The following MTHFS variants were observed in gnomAD, a reference collection of about 807,000 sequenced individuals.
MTHFS encodes 5-formyltetrahydrofolate cyclo-ligase.
Under a neutral mutation model 12.7 loss-of-function variants are expected in MTHFS, and 7 were observed. The observed-to-expected ratio is 0.55, with a 90% CI of 0.31 to 1.03. The LOEUF (loss-of-function observed/expected upper bound fraction) is 1.03, where lower values mean the gene tolerates loss of function less well. Among genes scored for constraint, MTHFS ranks in the 50% least tolerant of loss-of-function variants. MTHFS has a pLI of 0.05. For missense variants in MTHFS, 252 were observed against 258.1 expected (o/e 0.98, Z 0.16); for synonymous variants, 100 against 97.1 (o/e 1.03, Z -0.18).
chr15:79,895,713 G>A lies in MTHFS; in HGVS notation c.117+1159C>T, dbSNP rs185613878. Among the ~76,000 whole-genome samples, 18 of 152,356 alleles carry A rather than the reference G, an allele frequency of 1.2e-4. 1 individual carries two copies. The highest frequency in any genetic ancestry group is 1.2e-3 in the East Asian group (6 of 5,194). ...TCATACACACCTACATAGATGAAGA[G>A]AGGGGTGAAATGAGCATATATGCTT... On this transcript the variant is annotated intron_variant, in intron 1 of 2. Transcript: ENST00000258874.
chr15:79,864,224 A>G (rs1285631267), intron 2 of MTHFS, among the ~76,000 whole-genome samples: 1 of 152,114 alleles, frequency 6.6e-6, no homozygotes, highest in East Asian at 1.9e-4. Flanking sequence ...GCTACTAATA[A>G]TTTACCCATG....
rs760836202 is a variant in MTHFS at position 79,889,167 on chromosome 15, G to A, written c.305C>T (p.Ser102Phe). The stretch of plus-strand genomic sequence containing the variant: ...ATTCCAGGATGTTTTGGGAAGTAAA[G>A]AAATTTCCTCTGGTGATTCTATTCT... Reference protein sequence around the residue: ...MVRIESPEEISLLPKTSWNIP... With the variant: ...MVRIESPEEIFLLPKTSWNIP... The change falls in exon 2 of 3, where the codon TCT (serine) becomes TTT (phenylalanine). Residue 102 changes from serine to phenylalanine, a missense_variant. Coordinates refer to ENST00000258874, the MANE Select transcript of MTHFS (RefSeq NM_006441.4). 13 of 1,614,064 alleles carry A rather than the reference G, an allele frequency of 8.1e-6. No homozygotes were observed. The highest frequency in any genetic ancestry group is 1.1e-5 in the Non-Finnish European group (13 of 1,180,034).
At chr15:79,893,937 C>T (rs555544185) in intron 1 of MTHFS, among the ~76,000 whole-genome samples, 2 of 152,232 alleles carry the variant, frequency 1.3e-5, no homozygotes, top group South Asian at 2.1e-4. Context: ...AGAATAAATA[C>T]GCTTTTCTAA....
chr15:79,885,304 T>G (rs1436607411), intron 2 of MTHFS, among the ~76,000 whole-genome samples: 1 of 152,218 alleles, frequency 6.6e-6, no homozygotes, highest in East Asian at 1.9e-4. Context: ...CTCAGGTAAC[T>G]ACACATAGAT....
At chr15:79,869,484 C>A (rs1256113701) in intron 2 of MTHFS, among the ~76,000 whole-genome samples, 2 of 152,002 alleles carry the variant, frequency 1.3e-5, no homozygotes, top group Middle Eastern at 3.2e-3. Flanking sequence ...GCTCTGTTGC[C>A]CAGGTGGGAG....
rs1485189061 is a variant in MTHFS at position 79,889,082 on chromosome 15, A to G, written c.379+11T>C. The G allele has an allele frequency of 1.7e-5, 28 of 1,613,992 alleles. No homozygotes were observed. Among genetic ancestry groups the G allele is most frequent in the Non-Finnish European group, 2.4e-5 (28 of 1,179,908 alleles). ...CATAATCTAACAACATCCTAACACC[A>G]TAATACTCACCTGTGGACAAGGCCT... On this transcript the variant is annotated intron_variant, in intron 2 of 2. Coordinates refer to ENST00000258874, the MANE Select transcript of MTHFS (RefSeq NM_006441.4).
At chr15:79,882,763 A>G (rs2034317330) in intron 2 of MTHFS, among the ~76,000 whole-genome samples, 1 of 152,228 alleles carries the variant, frequency 6.6e-6, no homozygotes, top group African/African-American at 2.4e-5. Context: ...GTAGTAGCAC[A>G]CAGTAACAGG....
At chr15:79,861,433 C>T (rs377406115) in intron 2 of MTHFS, among the ~76,000 whole-genome samples, 5 of 152,150 alleles carry the variant, frequency 3.3e-5, no homozygotes, top group East Asian at 1.9e-4. Context: ...CATTAATGCA[C>T]GTTCATTTGT....
intron 2 of MTHFS, among the ~76,000 whole-genome samples, chr15:79,888,366 A>C (rs1281891731): frequency 1.3e-5 from 2 of 152,228 alleles, no homozygotes; most frequent in Non-Finnish European, 2.9e-5. Flanking sequence ...TCTAAGGGCA[A>C]TAGTAAGTCA....
At chr15:79,895,801 G>A (rs1405380347) in intron 1 of MTHFS, among the ~76,000 whole-genome samples, 1 of 152,180 alleles carries the variant, frequency 6.6e-6, no homozygotes, top group Non-Finnish European at 1.5e-5. Flanking sequence ...ATAGTGAAGG[G>A]TAATTAAGAA....
At chr15:79,880,092 C>T (rs112950079) in intron 2 of MTHFS, among the ~76,000 whole-genome samples, 4 of 152,122 alleles carry the variant, frequency 2.6e-5, no homozygotes, top group Admixed American at 6.5e-5. Flanking sequence ...CTTTTTAAGA[C>T]GGAGTCTCGC....
chr15:79,867,317 A>G (rs1254486127), intron 2 of MTHFS, among the ~76,000 whole-genome samples: 2 of 152,086 alleles, frequency 1.3e-5, no homozygotes, highest in Non-Finnish European at 1.5e-5. Flanking sequence ...TAGAAAGCCA[A>G]ACTCTCAGTG....
chr15:79,855,747 T>C (rs955415539), intron 2 of MTHFS, among the ~76,000 whole-genome samples: 2 of 152,162 alleles, frequency 1.3e-5, no homozygotes, highest in African/African-American at 4.8e-5. Context: ...AGCTCCCACT[T>C]ATAAGTGAGA....
chr15:79,881,623 AC>A (rs1341258073), intron 2 of MTHFS, among the ~76,000 whole-genome samples: 1 of 152,168 alleles, frequency 6.6e-6, no homozygotes, highest in African/African-American at 2.4e-5. Flanking sequence ...ACTTTTAGAT[AC>A]ATGTGACTCA....
At chr15:79,892,154 C>CA (rs1007200768) in intron 1 of MTHFS, among the ~76,000 whole-genome samples, 3 of 151,406 alleles carry the variant, frequency 2.0e-5, no homozygotes, top group Non-Finnish European at 4.4e-5. Flanking sequence ...GATACTTTCT[C>CA]AAAAAAAATT....
At chr15:79,860,299 G>C (rs2033889496) in intron 2 of MTHFS, among the ~76,000 whole-genome samples, 1 of 151,854 alleles carries the variant, frequency 6.6e-6, no homozygotes, top group Admixed American at 6.6e-5. Flanking sequence ...TGAGGCAGGA[G>C]AATGGCGTGA....
chr15:79,864,914 G>T (rs912657356), intron 2 of MTHFS, among the ~76,000 whole-genome samples: 3 of 151,904 alleles, frequency 2.0e-5, no homozygotes, highest in African/African-American at 7.3e-5. Context: ...TTTATGGCTG[G>T]CATTTGCAGT....
chr15:79,856,695 T>C (rs971257725), intron 2 of MTHFS, among the ~76,000 whole-genome samples: 6 of 152,128 alleles, frequency 3.9e-5, no homozygotes, highest in African/African-American at 1.2e-4. Flanking sequence ...TGCACAGCAA[T>C]GTGAATATAC....
At chr15:79,896,844 G>A in intron 1 of MTHFS, 28 bp downstream of exon 1, 1 of 1,539,134 alleles carries the variant, frequency 6.5e-7, no homozygotes, top group African/African-American at 1.4e-5. Flanking sequence ...TCTGTCCGCC[G>A]CGGCTTCCGC....
Sources: allele counts gnomAD v4.1 joint callset (sites outside exome capture counted in the v4.1 genomes callset), GRCh38; gene constraint gnomAD v4.1.1; transcripts MANE v1.5; gene names NCBI Gene and HGNC (gene_info 2026-07-23, HGNC 2026-07-21).